TNFRSF8: variants seen among roughly 807,000 people sequenced by gnomAD.
The protein encoded by TNFRSF8 is TNF receptor superfamily member 8.
Under a neutral mutation model 70.8 loss-of-function variants are expected in TNFRSF8, and 26 were observed. That is an observed-to-expected ratio of 0.37 (90% CI 0.27 to 0.51). The LOEUF (loss-of-function observed/expected upper bound fraction) is 0.51, where lower values mean the gene tolerates loss of function less well. Ranked by LOEUF, TNFRSF8 falls within the 20% of genes least tolerant of loss-of-function variation. The probability of loss-of-function intolerance (pLI) is 0.94; values close to 1 mark genes in which losing one functional copy is unlikely to be tolerated. For missense variants in TNFRSF8, 720 were observed against 807.9 expected (o/e 0.89, Z 1.32); for synonymous variants, 356 against 339.2 (o/e 1.05, Z -0.54).
Position 12,119,685 on chromosome 1 carries a change from T to C in TNFRSF8, c.947-3599T>C, listed in dbSNP as rs1023749547. On this transcript the variant is annotated intron_variant, in intron 8 of 14. Transcript: ENST00000263932. This position sits in a 1 kb window ranked among gnomAD's most constrained non-coding sequence, Gnocchi z 4.4. ...GGCATGATCTTGGCTCACTGCAGCA[T>C]TGAACTCCTGGGCTCGGGCGATCCT... Among the ~76,000 whole-genome samples, 2 of 152,088 alleles carry C rather than the reference T, an allele frequency of 1.3e-5. No homozygotes were observed. The highest frequency in any genetic ancestry group is 1.3e-4 in the Admixed American group (2 of 15,246).
intron 12 of TNFRSF8, among the ~76,000 whole-genome samples, chr1:12,127,545 A>G (rs1204345676): frequency 1.3e-5 from 2 of 152,228 alleles, no homozygotes; most frequent in Non-Finnish European, 2.9e-5. Context: ...CCGTCCCCTG[A>G]TCTCCCCAGG....
intron 3 of TNFRSF8, among the ~76,000 whole-genome samples, chr1:12,099,162 T>C (rs1048777017): frequency 3.9e-5 from 6 of 152,112 alleles, no homozygotes; most frequent in Non-Finnish European, 8.8e-5. Context: ...TTCTTTTTTT[T>C]CTTTTTGAGA....
intron 2 of TNFRSF8, among the ~76,000 whole-genome samples, chr1:12,087,096 TCCATCC>T (rs1641166060): frequency 1.4e-5 from 2 of 141,920 alleles, no homozygotes; most frequent in Non-Finnish European, 3.1e-5. Context: ...CATCCATCCA[TCCATCC>T]ATCCATCCAT....
At position 12,100,368 on chromosome 1, in the gene TNFRSF8, G is replaced by C. The variant is rs185103976; in HGVS notation, c.268+3151G>C. Among the ~76,000 whole-genome samples the C allele has an allele frequency of 6.6e-5, 10 of 152,168 alleles. No individual in the cohort carries two copies. The East Asian group carries it at 1.7e-3, about 26-fold the overall frequency. ...CACTTAGGCTATACTAAATTTATAA[G>C]ACACATTTTTCTTTCTTCAATAATA... On this transcript the variant is annotated intron_variant, in intron 3 of 14. Coordinates refer to ENST00000263932, the MANE Select transcript of TNFRSF8 (RefSeq NM_001243.5).
At position 12,088,123 on chromosome 1, in the gene TNFRSF8, G is replaced by A. The variant is rs184383733; in HGVS notation, c.151+3572G>A. 3.3e-5 allele frequency among the ~76,000 whole-genome samples: 5 copies of A among 152,272 alleles called. No individual in the cohort carries two copies. The highest frequency in any genetic ancestry group is 2.6e-4 in the Admixed American group (4 of 15,292). The stretch of plus-strand genomic sequence containing the variant: ...AGGAAGGAAGCTGAGGGACCTTTGA[G>A]ATTGAAAAATGTAGATGTCATCGAA... On this transcript the variant is annotated intron_variant, in intron 2 of 14. Transcript: ENST00000263932. The surrounding 1 kb of genome is among the most constrained non-coding windows in gnomAD (Gnocchi z 4.0).
chr1:12,079,691 A>G (rs1569992078), intron 1 of TNFRSF8, among the ~76,000 whole-genome samples: 1 of 152,056 alleles, frequency 6.6e-6, no homozygotes, highest in Admixed American at 6.5e-5. Context: ...CCTCCTTCCA[A>G]GGGGATTTGA....
chr1:12,140,966 G>A (rs1557609655), intron 14 of TNFRSF8, among the ~76,000 whole-genome samples: 2 of 152,156 alleles, frequency 1.3e-5, no homozygotes. Context: ...TGATGGAGGT[G>A]TGGGGAGTGC....
intron 3 of TNFRSF8, among the ~76,000 whole-genome samples, chr1:12,099,392 G>A (rs1379579569): frequency 6.6e-6 from 1 of 151,996 alleles, no homozygotes; most frequent in Non-Finnish European, 1.5e-5. Context: ...TGATCCAGCC[G>A]CCTTGGCCTC....
intron 1 of TNFRSF8, among the ~76,000 whole-genome samples, chr1:12,074,171 C>G (rs190201473): frequency 1.3e-5 from 2 of 148,158 alleles, no homozygotes; most frequent in African/African-American, 2.7e-5. Context: ...CTTGCTAAAA[C>G]GGACTCGCTC....
Position 12,112,990 on chromosome 1 carries a change from T to C in TNFRSF8, c.793+976T>C, listed in dbSNP as rs138162157. Among the ~76,000 whole-genome samples the C allele has an allele frequency of 6.6e-6, 1 of 152,356 alleles. No individual in the cohort carries two copies. The highest frequency in any genetic ancestry group is 1.9e-4 in the East Asian group (1 of 5,194). On this transcript the variant is annotated intron_variant, in intron 7 of 14. Coordinates refer to ENST00000263932, the MANE Select transcript of TNFRSF8 (RefSeq NM_001243.5). This position sits in a 1 kb window ranked among gnomAD's most constrained non-coding sequence, Gnocchi z 5.3. ...GAACCACAGACACTGTTTGTTGTCA[T>C]TGGAGGTCTCTGTCCTAGTTACTAA... is the stretch of plus-strand genomic sequence containing the variant.
chr1:12,093,689 C>T (rs559538667), intron 2 of TNFRSF8, among the ~76,000 whole-genome samples: 2 of 152,132 alleles, frequency 1.3e-5, no homozygotes, highest in South Asian at 4.2e-4. Flanking sequence ...TACAGGTGTG[C>T]ACCACCACGC....
rs1227897122 is a variant in TNFRSF8 at position 12,088,254 on chromosome 1, T to G, written c.151+3703T>G. Among the ~76,000 whole-genome samples, 3 of 152,148 alleles carry G rather than the reference T, an allele frequency of 2.0e-5. No homozygotes were observed. Among genetic ancestry groups the G allele is most frequent in the Admixed American group, 6.6e-5 (1 of 15,262 alleles). ...GGTGACGGGGAGCTCATTCACTGAC[T>G]CATAACAATGACCACGATTCATACC... On this transcript the variant is annotated intron_variant, in intron 2 of 14. Transcript: ENST00000263932. The surrounding 1 kb of genome is among the most constrained non-coding windows in gnomAD (Gnocchi z 4.0).
intron 6 of TNFRSF8, 26 bp from the exon 7 acceptor site, chr1:12,111,872 T>C: frequency 6.2e-7 from 1 of 1,606,944 alleles, no homozygotes; most frequent in South Asian, 1.1e-5. Context: ...CGGCCTGGCC[T>C]GCAGCTTCTC....
chr1:12,089,270 C>A (rs935991091), intron 2 of TNFRSF8, among the ~76,000 whole-genome samples: 2 of 152,124 alleles, frequency 1.3e-5, no homozygotes, highest in African/African-American at 2.4e-5. Flanking sequence ...GATCCCCAGC[C>A]CTGACCCCAG....
At chr1:12,075,510 C>T (rs1437362512) in intron 1 of TNFRSF8, among the ~76,000 whole-genome samples, 1 of 152,154 alleles carries the variant, frequency 6.6e-6, no homozygotes, top group Non-Finnish European at 1.5e-5. Context: ...TCTCTTCTGC[C>T]TCCCTCTTGC....
chr1:12,142,564 AG>A lies in TNFRSF8; in HGVS notation c.*36del. 6.5e-7 allele frequency: 1 copy of A among 1,547,530 alleles called. No individual in the cohort carries two copies. The highest frequency in any genetic ancestry group is 8.7e-7 in the Non-Finnish European group (1 of 1,144,500). The stretch of plus-strand genomic sequence containing the variant: ...GCTGGGCTGGGGCTAGGAGGGCAGC[AG>A]GGTGGCCTCTGGGAGGCCAGGATGG... On this transcript the variant is annotated 3_prime_UTR_variant, in exon 15 of 15. Transcript: ENST00000263932. This position sits in a 1 kb window ranked among gnomAD's most constrained non-coding sequence, Gnocchi z 5.0.
rs745885297 is a variant in TNFRSF8 at position 12,115,696 on chromosome 1, A to G, written c.913A>G (p.Ile305Val). The G allele has an allele frequency of 1.2e-5, 20 of 1,613,744 alleles. No homozygotes were observed. Among genetic ancestry groups the G allele is most frequent in the South Asian group, 2.2e-5 (2 of 91,068 alleles). Reference protein sequence around the residue: ...NSCARCVPYPICAAETVTKPQ... With the variant: ...NSCARCVPYPVCAAETVTKPQ... ...CTGTGCCCGCTGTGTCCCCTACCCA[A>G]TCTGTGCAGCAGAGACGGTCACCAA... The change falls in exon 8 of 15, where the codon ATC (isoleucine) becomes GTC (valine). Residue 305 changes from isoleucine to valine, a missense_variant. Coordinates refer to ENST00000263932, the MANE Select transcript of TNFRSF8 (RefSeq NM_001243.5).
intron 2 of TNFRSF8, among the ~76,000 whole-genome samples, chr1:12,091,893 G>C (rs1641253666): frequency 6.6e-6 from 1 of 152,282 alleles, no homozygotes; most frequent in South Asian, 2.1e-4. Context: ...TAGATCCCTT[G>C]CACGTGCAGT....
In TNFRSF8 at chr1:12,141,066, C is replaced by T. The variant is rs958011258; in HGVS notation, c.1544-1221C>T. Reference sequence around the variant, plus strand: ...GCCTTCTCCTCTTGCTGCCGTTTGGCGCACTTCTCTCTTTCCTGGGGGTGT... The same window carrying T: ...GCCTTCTCCTCTTGCTGCCGTTTGGTGCACTTCTCTCTTTCCTGGGGGTGT... On this transcript the variant is annotated intron_variant, in intron 14 of 14. Coordinates refer to ENST00000263932, the MANE Select transcript of TNFRSF8 (RefSeq NM_001243.5). The surrounding 1 kb of genome is among the most constrained non-coding windows in gnomAD (Gnocchi z 5.4). 1.3e-5 allele frequency among the ~76,000 whole-genome samples: 2 copies of T among 152,222 alleles called. No homozygotes were observed. Among genetic ancestry groups the T allele is most frequent in the Non-Finnish European group, 2.9e-5 (2 of 68,040 alleles).
Sources: allele counts gnomAD v4.1 joint callset (sites outside exome capture counted in the v4.1 genomes callset), GRCh38; gene constraint gnomAD v4.1.1; non-coding constraint Gnocchi (gnomAD v3.1); transcripts MANE v1.5; gene names NCBI Gene and HGNC (gene_info 2026-07-23, HGNC 2026-07-21).